IRAK1BP1: variants seen among roughly 807,000 people sequenced by gnomAD.
The protein encoded by IRAK1BP1 is interleukin 1 receptor associated kinase 1 binding protein 1, also known as interleukin-1 receptor-associated kinase 1-binding protein 1.
IRAK1BP1 carries 24 observed loss-of-function variants against 28.0 expected under a neutral mutation model. The ratio of observed to expected loss-of-function variants is 0.86; its 90% confidence interval spans 0.62 to 1.20. IRAK1BP1 has a LOEUF of 1.20. Ranked by LOEUF, IRAK1BP1 falls within the 50% of genes most tolerant of loss-of-function variation. IRAK1BP1 has a pLI of 0.00. For synonymous variants in IRAK1BP1, 131 were observed against 116.3 expected (o/e 1.13, Z -0.81); for missense variants, 336 against 316.7 (o/e 1.06, Z -0.46).
At chr6:78,947,880 A>C, downstream of IRAK1BP1, 1 of 695,328 alleles carries the variant, frequency 1.4e-6, no homozygotes, top group South Asian at 2.1e-5. Flanking sequence ...AAGTCCTAGA[A>C]CTCTTAATAA....
At position 78,941,466 on chromosome 6, in the gene IRAK1BP1, G is replaced by T. The variant is rs1017720834; in HGVS notation, c.*68-3942G>T. 1.1e-5 allele frequency: 6 copies of T among 567,608 alleles called. No individual in the cohort carries two copies. The African/African-American group carries it at 1.1e-4, about 11-fold the overall frequency. The allele number at this position is 567,608 out of a possible 1,614,324, so 35.2% of individuals were successfully genotyped here. A position where few individuals can be genotyped will look rare whatever the true frequency, so the allele number is the denominator to read the frequency against. ...ATTATTTTATTAAAATGAGAAAAAA[G>T]AACCTAGAAAACACTAATAGTTCAA... is the stretch of plus-strand genomic sequence containing the variant. On this transcript the variant is annotated intron_variant and NMD_transcript_variant, in intron 4 of 4. Transcript: ENST00000606868.
chr6:78,881,799 G>T (rs1015439197), intron 1 of IRAK1BP1, among the ~76,000 whole-genome samples: 1 of 152,074 alleles, frequency 6.6e-6, no homozygotes, highest in African/African-American at 2.4e-5. Flanking sequence ...ATATACTGGG[G>T]TTAAACAAAT....
chr6:78,978,736 T>C, the IRAK1BP1 span: 5 of 1,566,870 alleles, frequency 3.2e-6, no homozygotes, highest in Non-Finnish European at 4.4e-6. Flanking sequence ...GTAATAATTG[T>C]TAAGTAATAA....
intron 4 of IRAK1BP1, among the ~76,000 whole-genome samples, chr6:78,935,058 G>A (rs1773218825): frequency 6.6e-6 from 1 of 152,066 alleles, no homozygotes; most frequent in Non-Finnish European, 1.5e-5. Flanking sequence ...TAAATACTGG[G>A]GAATCCTGGG....
intron 4 of IRAK1BP1, chr6:78,938,743 ACT>A (rs1773363505): frequency 2.0e-5 from 3 of 151,696 alleles, no homozygotes; most frequent in Admixed American, 6.6e-5. Context: ...TTATTTTTCA[ACT>A]GCAAAATCTC....
the IRAK1BP1 span, chr6:78,970,062 A>G: frequency 6.2e-7 from 1 of 1,613,574 alleles, no homozygotes; most frequent in Non-Finnish European, 8.5e-7. Context: ...ATGGTAAATG[A>G]TCCGCCAGTC....
intron 1 of IRAK1BP1, among the ~76,000 whole-genome samples, chr6:78,877,632 A>AGACAGTGGGTGCGG (rs1163771979): frequency 5.9e-5 from 9 of 152,192 alleles, no homozygotes; most frequent in Non-Finnish European, 1.0e-4. Context: ...AGGGCTTGTC[A>AGACAGTGGGTGCGG]GACAGTGGGT....
chr6:78,933,020 G>T (rs917143173), intron 4 of IRAK1BP1, among the ~76,000 whole-genome samples: 1 of 152,028 alleles, frequency 6.6e-6, no homozygotes, highest in African/African-American at 2.4e-5. Context: ...GACAGAGCAT[G>T]GTAGGGTAGA....
chr6:78,927,503 G>C (rs1264274059), intron 4 of IRAK1BP1, among the ~76,000 whole-genome samples: 1 of 152,240 alleles, frequency 6.6e-6, no homozygotes, highest in Non-Finnish European at 1.5e-5. Context: ...TCACTTTGCT[G>C]ATTGTTTCCT....
chr6:78,934,560 C>T (rs1399837739), intron 4 of IRAK1BP1, among the ~76,000 whole-genome samples: 1 of 152,152 alleles, frequency 6.6e-6, no homozygotes, highest in African/African-American at 2.4e-5. Flanking sequence ...TAACAACAAT[C>T]AGGTCATGGC....
At chr6:78,960,266 C>T in the IRAK1BP1 span, among the ~76,000 whole-genome samples, 6 of 152,202 alleles carry the variant, frequency 3.9e-5, no homozygotes, top group African/African-American at 1.4e-4. Flanking sequence ...ATATTTACAA[C>T]AATATTGGAA....
chr6:78,923,903 G>A (rs1244198216), intron 4 of IRAK1BP1, among the ~76,000 whole-genome samples: 2 of 152,028 alleles, frequency 1.3e-5, no homozygotes, highest in Non-Finnish European at 2.9e-5. Flanking sequence ...AGAATCTCTG[G>A]GGCACATTCA....
intron 1 of IRAK1BP1, among the ~76,000 whole-genome samples, chr6:78,880,637 A>G (rs1771193262): frequency 1.3e-5 from 2 of 152,212 alleles, no homozygotes. Flanking sequence ...TAAATTACAT[A>G]GCTGATGAAG....
chr6:78,973,460 C>G, the IRAK1BP1 span, among the ~76,000 whole-genome samples: 1 of 132,208 alleles, frequency 7.6e-6, no homozygotes, highest in Non-Finnish European at 1.6e-5. Context: ...TAGGAAGAAA[C>G]TGCATCAACT....
intron 2 of IRAK1BP1, among the ~76,000 whole-genome samples, chr6:78,890,473 A>C (rs1771608197): frequency 6.6e-6 from 1 of 152,272 alleles, no homozygotes; most frequent in African/African-American, 2.4e-5. Context: ...ATAATCAAAA[A>C]AATTTATCCA....
At chr6:78,916,927 G>C (rs1772575859) in intron 4 of IRAK1BP1, among the ~76,000 whole-genome samples, 1 of 152,086 alleles carries the variant, frequency 6.6e-6, no homozygotes, top group East Asian at 1.9e-4. Flanking sequence ...CTGGTCAATA[G>C]AGTGAGACTC....
At chr6:78,913,110 C>A (rs969688965) in intron 4 of IRAK1BP1, among the ~76,000 whole-genome samples, 1 of 150,326 alleles carries the variant, frequency 6.7e-6, no homozygotes, top group Admixed American at 6.6e-5. Context: ...CCAAAGCAGG[C>A]GGATCATTAG....
chr6:78,938,530 GC>G (rs1403443146), intron 4 of IRAK1BP1: 1 of 151,368 alleles, frequency 6.6e-6, no homozygotes, highest in Non-Finnish European at 1.5e-5. Context: ...CAAATAGATT[GC>G]CTTCAAAAGC....
chr6:78,947,559 T>C, downstream of IRAK1BP1: 2 of 746,288 alleles, frequency 2.7e-6, no homozygotes, highest in Admixed American at 2.7e-5. Context: ...AAAGCAACAT[T>C]TAGTCATTTA....
Sources: allele counts gnomAD v4.1 joint callset (sites outside exome capture counted in the v4.1 genomes callset), GRCh38; gene constraint gnomAD v4.1.1; transcripts MANE v1.5; gene names NCBI Gene and HGNC (gene_info 2026-07-23, HGNC 2026-07-21).